Variants in MAP2K6 observed in about 807,000 individuals in gnomAD.
The protein encoded by MAP2K6 is mitogen-activated protein kinase kinase 6, also known as dual specificity mitogen-activated protein kinase kinase 6.
In MAP2K6, 16 loss-of-function variants were observed where a neutral mutation model predicts 53.7. That is an observed-to-expected ratio of 0.30 (90% CI 0.20 to 0.45). The LOEUF is 0.45. Ranked by LOEUF, MAP2K6 falls within the 20% of genes least tolerant of loss-of-function variation. The pLI is 1.00. For synonymous variants in MAP2K6, 132 were observed against 143.1 expected (o/e 0.92, Z 0.55); for missense variants, 204 against 411.9 (o/e 0.50, Z 4.37).
intron 1 of MAP2K6, among the ~76,000 whole-genome samples, chr17:69,495,458 A>C (rs1264427559): frequency 6.6e-6 from 1 of 151,718 alleles, no homozygotes; most frequent in African/African-American, 2.4e-5. Context: ...GTGGTCTCAA[A>C]CTCCAGACCT....
chr17:69,424,775 T>C (rs1032929442), intron 1 of MAP2K6, among the ~76,000 whole-genome samples: 8 of 152,242 alleles, frequency 5.3e-5, no homozygotes, highest in Admixed American at 5.2e-4. Context: ...TAGGTTCTTT[T>C]TGACATGTCC....
rs1363441391 is a variant in MAP2K6, at chr17:69,547,999, G to A, written c.*6246G>A. 6.6e-6 allele frequency: 1 copy of A among 152,190 alleles called. No individual in the cohort carries two copies. Among genetic ancestry groups the A allele is most frequent in the African/African-American group, 2.4e-5 (1 of 41,448 alleles). 9.4% of individuals were successfully genotyped at this position (152,190 alleles called of 1,614,324 possible). A position where few individuals can be genotyped will look rare whatever the true frequency, so the allele number is the denominator to read the frequency against. On this transcript the variant is annotated 3_prime_UTR_variant, in exon 12 of 12. Coordinates refer to ENST00000590474, the MANE Select transcript of MAP2K6 (RefSeq NM_002758.4). The stretch of plus-strand genomic sequence containing the variant: ...TCAAACGTAGAAGAAGGCAGATAGA[G>A]TTCTTAACCTTTTTCAACTTAGCCA...
intron 11 of MAP2K6, 112 bp downstream of exon 11, chr17:69,536,272 ACATCAG>A: frequency 1.3e-6 from 1 of 755,306 alleles, no homozygotes; most frequent in Non-Finnish European, 2.3e-6. Flanking sequence ...GTTCATTGAT[ACATCAG>A]TGACAGGAAT....
chr17:69,484,967 G>A (rs1248458410), intron 1 of MAP2K6, among the ~76,000 whole-genome samples: 2 of 152,196 alleles, frequency 1.3e-5, no homozygotes, highest in Non-Finnish European at 1.5e-5. Flanking sequence ...AATGGGTATG[G>A]TGTTTTTTAT....
chr17:69,469,147 C>T (rs1053528951), intron 1 of MAP2K6, among the ~76,000 whole-genome samples: 2 of 152,144 alleles, frequency 1.3e-5, no homozygotes, highest in Admixed American at 1.3e-4. Context: ...AGGACTGTCG[C>T]TAGGTTCTAG....
intron 1 of MAP2K6, among the ~76,000 whole-genome samples, chr17:69,482,609 A>C (rs1567834211): frequency 6.6e-6 from 1 of 152,034 alleles, no homozygotes; most frequent in African/African-American, 2.4e-5. Context: ...ACATCAATAC[A>C]TAAAAAAAAC....
At chr17:69,457,335 G>A (rs1036200965) in intron 1 of MAP2K6, among the ~76,000 whole-genome samples, 14 of 152,292 alleles carry the variant, frequency 9.2e-5, no homozygotes, top group Middle Eastern at 3.4e-3. Flanking sequence ...TTATCCCCTA[G>A]GTTGAGTGGT....
Position 69,546,861 on chromosome 17 carries a change from T to A in MAP2K6, c.*5108T>A, listed in dbSNP as rs1002635341. 1.3e-5 allele frequency: 2 copies of A among 150,084 alleles called. No homozygotes were observed. Among genetic ancestry groups the A allele is most frequent in the African/African-American group, 2.5e-5 (1 of 40,372 alleles). 9.3% of individuals were successfully genotyped at this position (150,084 alleles called of 1,614,324 possible). A position where few individuals can be genotyped will look rare whatever the true frequency, so the allele number is the denominator to read the frequency against. The stretch of plus-strand genomic sequence containing the variant: ...AACTTCATAGGACTTTTTTTTTTTT[T>A]AACTTTTCAAATGGAAGGTGCAGTT... On this transcript the variant is annotated 3_prime_UTR_variant, in exon 12 of 12. Transcript: ENST00000590474.
rs1184397709 is a variant in MAP2K6, at chr17:69,538,148, G to A, written c.927+1988G>A. Among the ~76,000 whole-genome samples the A allele has an allele frequency of 2.6e-5, 4 of 152,178 alleles. No individual in the cohort carries two copies. In the East Asian group the frequency reaches 7.7e-4, roughly 29 times the overall value. ...GCCCCCCAAGTAGCTGGGACTACAA[G>A]TGTGCACCTGTACTCCTATTCTAAA... On this transcript the variant is annotated intron_variant, in intron 11 of 11. Coordinates refer to ENST00000590474, the MANE Select transcript of MAP2K6 (RefSeq NM_002758.4).
chr17:69,478,260 T>A (rs1191104114), intron 1 of MAP2K6, among the ~76,000 whole-genome samples: 1 of 152,206 alleles, frequency 6.6e-6, no homozygotes, highest in Non-Finnish European at 1.5e-5. Context: ...GCCAGTTTGC[T>A]TTCTAGTTTC....
chr17:69,500,835 G>C (rs1332412981), intron 1 of MAP2K6, among the ~76,000 whole-genome samples: 1 of 152,040 alleles, frequency 6.6e-6, no homozygotes, highest in Non-Finnish European at 1.5e-5. Flanking sequence ...TTTGTCTTCA[G>C]TGTTTGGAAT....
chr17:69,526,982 C>T (rs1910808649), intron 10 of MAP2K6, among the ~76,000 whole-genome samples: 1 of 152,118 alleles, frequency 6.6e-6, no homozygotes, highest in Non-Finnish European at 1.5e-5. Flanking sequence ...TTAAGGAACT[C>T]AGAGGGAAGA....
intron 8 of MAP2K6, 133 bp from the exon 9 acceptor site, chr17:69,524,768 G>A: frequency 3.5e-6 from 2 of 567,626 alleles, no homozygotes; most frequent in Non-Finnish European, 6.5e-6. Flanking sequence ...GGTCTTCTTG[G>A]CCTTGGTGGC....
intron 7 of MAP2K6, chr17:69,521,925 A>G (rs2521354): frequency 0.65 from 98,710 of 151,826 alleles, 32,878 homozygotes; most frequent in African/African-American, 0.8. Context: ...CGGATCACCT[A>G]AGGTCAGGAA....
intron 1 of MAP2K6, among the ~76,000 whole-genome samples, chr17:69,425,335 T>C (rs817557): frequency 0.6 from 90,170 of 151,486 alleles, 28,294 homozygotes; most frequent in African/African-American, 0.81. Flanking sequence ...TTTTCTGAGA[T>C]GGCGTATAGC....
At chr17:69,513,066 C>T (rs1567848334) in intron 2 of MAP2K6, among the ~76,000 whole-genome samples, 1 of 152,136 alleles carries the variant, frequency 6.6e-6, no homozygotes, top group South Asian at 2.1e-4. Flanking sequence ...AGAGAACATC[C>T]ACCCACAGTA....
chr17:69,427,155 T>C (rs1016348508), intron 1 of MAP2K6, among the ~76,000 whole-genome samples: 1 of 152,230 alleles, frequency 6.6e-6, no homozygotes, highest in Non-Finnish European at 1.5e-5. Context: ...TTTTATAACC[T>C]GCTAACATGC....
chr17:69,514,048 G>T (rs1430688333), intron 2 of MAP2K6, among the ~76,000 whole-genome samples: 1 of 151,612 alleles, frequency 6.6e-6, no homozygotes, highest in East Asian at 1.9e-4. Context: ...GGCAGAGGTT[G>T]CAGTGAGCCG....
chr17:69,507,417 C>A (rs1195617464), intron 2 of MAP2K6, among the ~76,000 whole-genome samples: 3 of 151,982 alleles, frequency 2.0e-5, no homozygotes, highest in Non-Finnish European at 4.4e-5. Context: ...CTATTATAAT[C>A]AAGATACTTC....
Sources: allele counts gnomAD v4.1 joint callset (sites outside exome capture counted in the v4.1 genomes callset), GRCh38; gene constraint gnomAD v4.1.1; transcripts MANE v1.5; gene names NCBI Gene and HGNC (gene_info 2026-07-23, HGNC 2026-07-21).